The following SLC44A1 variants were observed in gnomAD, a reference collection of about 807,000 sequenced individuals.
The protein encoded by SLC44A1 is solute carrier family 44 member 1.
In SLC44A1, 26 loss-of-function variants were observed where a neutral mutation model predicts 79.3. The ratio of observed to expected loss-of-function variants is 0.33; its 90% CI spans 0.24 to 0.46. The LOEUF (loss-of-function observed/expected upper bound fraction) is 0.46. SLC44A1 is among the 20% of genes least tolerant of loss of function. SLC44A1 has a pLI of 1.00. For missense variants in SLC44A1, 688 were observed against 798.1 expected (o/e 0.86, Z 1.66); for synonymous variants, 263 against 286.2 (o/e 0.92, Z 0.82).
intron 5 of SLC44A1, among the ~76,000 whole-genome samples, chr9:105,354,298 C>T (rs1205199248): frequency 6.6e-6 from 1 of 151,850 alleles, no homozygotes; most frequent in Non-Finnish European, 1.5e-5. Context: ...GATCCGCCCG[C>T]CTCGGCCTCC....
At chr9:105,266,923 G>C (rs1339531629) in intron 1 of SLC44A1, among the ~76,000 whole-genome samples, 1 of 152,170 alleles carries the variant, frequency 6.6e-6, no homozygotes, top group Non-Finnish European at 1.5e-5. Context: ...TTAATACTGA[G>C]TCTTCCAATC....
chr9:105,437,801 C>T (rs1431919304), intron 15 of SLC44A1, among the ~76,000 whole-genome samples: 1 of 152,080 alleles, frequency 6.6e-6, no homozygotes, highest in Non-Finnish European at 1.5e-5. Flanking sequence ...TTTGAGAGTA[C>T]CATAGAATCA....
At chr9:105,334,368 CTACT>C (rs1364001220) in intron 3 of SLC44A1, among the ~76,000 whole-genome samples, 1 of 151,352 alleles carries the variant, frequency 6.6e-6, no homozygotes, top group African/African-American at 2.4e-5. Context: ...CTTTTTTTTC[CTACT>C]TATTTTTTTT....
At chr9:105,252,793 A>G (rs1829619634) in intron 1 of SLC44A1, among the ~76,000 whole-genome samples, 1 of 152,242 alleles carries the variant, frequency 6.6e-6, no homozygotes, top group African/African-American at 2.4e-5. Flanking sequence ...AAAGTTTTTG[A>G]CACAGTAATA....
intron 1 of SLC44A1, among the ~76,000 whole-genome samples, chr9:105,274,511 C>G (rs1486853537): frequency 6.6e-6 from 1 of 152,206 alleles, no homozygotes; most frequent in African/African-American, 2.4e-5. Flanking sequence ...TCCACACTGA[C>G]CACCTCCTTC....
At chr9:105,252,432 T>TTAAAATTCATTATAAGAATTA (rs1642311823) in intron 1 of SLC44A1, among the ~76,000 whole-genome samples, 1 of 152,224 alleles carries the variant, frequency 6.6e-6, no homozygotes, top group African/African-American at 2.4e-5. Flanking sequence ...CACTGGGGTT[T>TTAAAATTCATTATAAGAATTA]TAAAATTCAT....
chr9:105,326,435 C>T (rs185271328), intron 3 of SLC44A1, among the ~76,000 whole-genome samples: 215 of 152,254 alleles, frequency 1.4e-3, no homozygotes, highest in African/African-American at 4.9e-3. Flanking sequence ...CTATAAGTGA[C>T]TCTTGGTTGC....
At chr9:105,385,927 T>TA (rs1828615196) in intron 15 of SLC44A1, 1 of 985,400 alleles carries the variant, frequency 1.0e-6, no homozygotes, top group East Asian at 1.1e-4. Context: ...CTAAAATTCA[T>TA]ACTCCCCCTT....
intron 1 of SLC44A1, among the ~76,000 whole-genome samples, chr9:105,262,531 G>A (rs974637860): frequency 1.3e-5 from 2 of 152,232 alleles, no homozygotes; most frequent in African/African-American, 4.8e-5. Flanking sequence ...AAATTTTAAA[G>A]TAGAACACAT....
intron 4 of SLC44A1, among the ~76,000 whole-genome samples, chr9:105,337,571 A>G (rs142402481): frequency 1.4e-4 from 21 of 152,190 alleles, no homozygotes; most frequent in Admixed American, 7.2e-4. Flanking sequence ...ACATTCCTAG[A>G]ACTTCAATCA....
At chr9:105,252,665 G>A (rs989361935) in intron 1 of SLC44A1, among the ~76,000 whole-genome samples, 1 of 152,194 alleles carries the variant, frequency 6.6e-6, no homozygotes, top group East Asian at 1.9e-4. Context: ...GCACAAATGG[G>A]TGAGACTTTA....
In SLC44A1 at chr9:105,395,233, T is replaced by A; in HGVS notation, c.*6177T>A. The A allele has an allele frequency of 1.0e-6, 1 of 971,222 alleles. No individual in the cohort carries two copies. Among genetic ancestry groups the A allele is most frequent in the Non-Finnish European group, 1.2e-6 (1 of 817,036 alleles). 60.2% of individuals were successfully genotyped at this position (971,222 alleles called of 1,614,324 possible). ...GTTTTTTTTGTTTGTTTTTGGTGTT[T>A]TTTTGAGACGGAGTCTCGCTCTATC... On this transcript the variant is annotated 3_prime_UTR_variant, in exon 16 of 16. Transcript: ENST00000374720.
chr9:105,409,879 T>C (rs1455969675), intron 15 of SLC44A1, among the ~76,000 whole-genome samples: 1 of 152,094 alleles, frequency 6.6e-6, no homozygotes, highest in Non-Finnish European at 1.5e-5. Context: ...ATAATAGACA[T>C]CTGTAGAGCA....
At chr9:105,416,656 C>T (rs189539833) in intron 15 of SLC44A1, among the ~76,000 whole-genome samples, 158 of 152,258 alleles carry the variant, frequency 1.0e-3, no homozygotes, top group Admixed American at 9.5e-3. Flanking sequence ...AAAGCAGTAA[C>T]CTCCAAATAA....
Position 105,390,545 on chromosome 9 carries a change from G to A in SLC44A1, c.*1489G>A. The A allele has an allele frequency of 1.0e-6, 1 of 985,112 alleles. No individual in the cohort carries two copies. The highest frequency in any genetic ancestry group is 1.2e-6 in the Non-Finnish European group (1 of 829,816). The allele number at this position is 985,112 out of a possible 1,614,324, so 61.0% of individuals were successfully genotyped here. On this transcript the variant is annotated 3_prime_UTR_variant, in exon 16 of 16. Transcript: ENST00000374720. ...AGACAGTGAATTAGATCGGTATTAT[G>A]GAAATGCATACAAGTAATGTCACTA... is the stretch of plus-strand genomic sequence containing the variant.
chr9:105,358,729 A>T (rs1827695475), intron 7 of SLC44A1, among the ~76,000 whole-genome samples: 2 of 152,026 alleles, frequency 1.3e-5, no homozygotes, highest in African/African-American at 2.4e-5. Context: ...TACATTTATC[A>T]TCTTCACTGG....
chr9:105,330,280 C>G (rs1457191633), intron 3 of SLC44A1, among the ~76,000 whole-genome samples: 1 of 152,200 alleles, frequency 6.6e-6, no homozygotes, highest in African/African-American at 2.4e-5. Context: ...CTGTAACTCA[C>G]TTTCCTTTGC....
At chr9:105,372,906 C>T (rs1211699389) in intron 12 of SLC44A1, among the ~76,000 whole-genome samples, 6 of 148,806 alleles carry the variant, frequency 4.0e-5, no homozygotes, top group Non-Finnish European at 6.0e-5. Context: ...GCCGAGATCC[C>T]GCCACTGCAC....
At position 105,244,784 on chromosome 9, in the gene SLC44A1, C is replaced by A; in HGVS notation, c.-85C>A. The A allele has an allele frequency of 2.4e-6, 2 of 835,244 alleles. No homozygotes were observed. Among genetic ancestry groups the A allele is most frequent in the Non-Finnish European group, 3.1e-6 (2 of 655,120 alleles). 51.7% of individuals were successfully genotyped at this position (835,244 alleles called of 1,614,324 possible). A position where few individuals can be genotyped will look rare whatever the true frequency, so the allele number is the denominator to read the frequency against. On this transcript the variant is annotated 5_prime_UTR_variant, in exon 1 of 16. Transcript: ENST00000374720. ...CGTGCGGTGCCAGGCCGCGCCCTCC[C>A]CGGGCGCCCGCCGGCTCGCATGCCG...
Sources: gnomAD v4.1 joint callset for allele counts (sites outside exome capture counted in the v4.1 genomes callset) on GRCh38, gnomAD v4.1.1 for gene constraint, MANE v1.5 for transcripts, NCBI Gene and HGNC (gene_info 2026-07-23, HGNC 2026-07-21) for gene names.